FAM117B: variants seen among roughly 807,000 people sequenced by gnomAD.
FAM117B encodes the protein family with sequence similarity 117 member B, also known as protein FAM117B.
Under a neutral mutation model 52.8 loss-of-function variants are expected in FAM117B, and 22 were observed. That is an observed-to-expected ratio of 0.42 (90% CI 0.30 to 0.59). The LOEUF (loss-of-function observed/expected upper bound fraction) is 0.59, where lower values mean the gene tolerates loss of function less well. FAM117B is among the 20% of genes least tolerant of loss of function. The pLI is 0.22. For missense variants in FAM117B, 678 were observed against 802.6 expected (o/e 0.84, Z 1.88); for synonymous variants, 309 against 324.1 (o/e 0.95, Z 0.50).
intron 1 of FAM117B, among the ~76,000 whole-genome samples, chr2:202,653,918 C>T (rs1050283071): frequency 6.6e-6 from 1 of 152,046 alleles, no homozygotes; most frequent in Admixed American, 6.6e-5. Flanking sequence ...CTTTTCTGTG[C>T]ATGTATATAA....
intron 1 of FAM117B, among the ~76,000 whole-genome samples, chr2:202,648,337 C>T (rs1347605900): frequency 6.6e-6 from 1 of 151,984 alleles, no homozygotes; most frequent in Non-Finnish European, 1.5e-5. Flanking sequence ...TGGTGAAACC[C>T]CGTCTCTACT....
chr2:202,709,457 C>A (rs1690927213), intron 2 of FAM117B, among the ~76,000 whole-genome samples: 1 of 152,202 alleles, frequency 6.6e-6, no homozygotes, highest in African/African-American at 2.4e-5. Flanking sequence ...CCCCCTCTGC[C>A]TCCCAAAGTA....
At chr2:202,745,453 A>G (rs187247970) in intron 4 of FAM117B, among the ~76,000 whole-genome samples, 43 of 152,360 alleles carry the variant, frequency 2.8e-4, no homozygotes, top group Middle Eastern at 6.8e-3. Context: ...CTGGTTGAGC[A>G]GACATAAATC....
chr2:202,645,377 C>T (rs542501705), intron 1 of FAM117B, among the ~76,000 whole-genome samples: 2 of 151,788 alleles, frequency 1.3e-5, no homozygotes, highest in South Asian at 4.2e-4. Flanking sequence ...CAGGCTCCGC[C>T]CCCCGGGGTT....
intron 1 of FAM117B, among the ~76,000 whole-genome samples, chr2:202,655,707 T>TGAGAGACAGAGAGAGAGA (rs1398513491): frequency 1.1e-4 from 11 of 98,892 alleles, no homozygotes; most frequent in East Asian, 2.8e-4. Flanking sequence ...GGGAAGAGAG[T>TGAGAGACAGAGAGAGAGA]GAGAGAGAGA....
chr2:202,665,802 T>C (rs931330284), intron 1 of FAM117B, among the ~76,000 whole-genome samples: 1 of 152,142 alleles, frequency 6.6e-6, no homozygotes, highest in Non-Finnish European at 1.5e-5. Context: ...GGTTTCACCA[T>C]GTTGACCAGG....
chr2:202,650,502 T>G (rs1689940400), intron 1 of FAM117B, among the ~76,000 whole-genome samples: 1 of 152,158 alleles, frequency 6.6e-6, no homozygotes, highest in African/African-American at 2.4e-5. Flanking sequence ...GGAACTGAAC[T>G]AATAGGATAG....
intron 1 of FAM117B, among the ~76,000 whole-genome samples, chr2:202,664,059 A>G (rs949540784): frequency 6.6e-6 from 1 of 152,240 alleles, no homozygotes; most frequent in African/African-American, 2.4e-5. Flanking sequence ...AGTTCCTATC[A>G]GTGAATCTAG....
At chr2:202,651,093 T>TGCTCAGTC (rs1689949301) in intron 1 of FAM117B, among the ~76,000 whole-genome samples, 1 of 149,454 alleles carries the variant, frequency 6.7e-6, no homozygotes, top group Non-Finnish European at 1.5e-5. Flanking sequence ...GACGGAATCT[T>TGCTCAGTC]GCTCAGTCGC....
intron 2 of FAM117B, among the ~76,000 whole-genome samples, chr2:202,706,064 G>T (rs1472686030): frequency 6.6e-6 from 1 of 152,102 alleles, no homozygotes; most frequent in Non-Finnish European, 1.5e-5. Flanking sequence ...CCAGGCTAGA[G>T]TGTAGTGGCT....
chr2:202,740,915 TTAAAA>T (rs1691524008), intron 4 of FAM117B, among the ~76,000 whole-genome samples: 2 of 151,960 alleles, frequency 1.3e-5, no homozygotes, highest in Admixed American at 1.3e-4. Flanking sequence ...CTCAAGAACA[TTAAAA>T]TAAGGAAAAC....
intron 4 of FAM117B, among the ~76,000 whole-genome samples, chr2:202,727,466 G>A (rs1415100978): frequency 6.6e-6 from 1 of 151,136 alleles, no homozygotes; most frequent in Non-Finnish European, 1.5e-5. Flanking sequence ...AACCAACCAT[G>A]GATCAAACAT....
intron 2 of FAM117B, among the ~76,000 whole-genome samples, chr2:202,704,626 A>G (rs1047262806): frequency 2.0e-4 from 30 of 152,166 alleles, no homozygotes; most frequent in East Asian, 1.5e-3. Context: ...TTTTGAGACA[A>G]TCTTGCCCAG....
At chr2:202,664,257 C>T (rs989784378) in intron 1 of FAM117B, among the ~76,000 whole-genome samples, 9 of 152,096 alleles carry the variant, frequency 5.9e-5, no homozygotes, top group African/African-American at 2.2e-4. Context: ...AATATATTGA[C>T]TCCAGAGGTT....
intron 2 of FAM117B, among the ~76,000 whole-genome samples, chr2:202,708,164 C>G (rs1447027869): frequency 6.6e-6 from 1 of 152,184 alleles, no homozygotes; most frequent in Non-Finnish European, 1.5e-5. Flanking sequence ...AATTATACAG[C>G]AGATCTCTAG....
chr2:202,746,615 A>G (rs1245158485), intron 4 of FAM117B, among the ~76,000 whole-genome samples: 2 of 152,144 alleles, frequency 1.3e-5, no homozygotes, highest in African/African-American at 4.8e-5. Flanking sequence ...AGCGTGAACA[A>G]CTATACACTA....
At chr2:202,648,905 G>C (rs1484025260) in intron 1 of FAM117B, among the ~76,000 whole-genome samples, 1 of 151,936 alleles carries the variant, frequency 6.6e-6, no homozygotes, top group Non-Finnish European at 1.5e-5. Flanking sequence ...GGGACTACAG[G>C]CGCACACCTG....
intron 2 of FAM117B, among the ~76,000 whole-genome samples, chr2:202,708,121 C>T (rs1045577096): frequency 1.6e-4 from 25 of 152,172 alleles, no homozygotes; most frequent in East Asian, 3.9e-4. Flanking sequence ...AAATTTTACG[C>T]GTACAATACA....
intron 1 of FAM117B, among the ~76,000 whole-genome samples, chr2:202,642,484 A>T (rs1322596747): frequency 6.6e-6 from 1 of 151,930 alleles, no homozygotes; most frequent in Non-Finnish European, 1.5e-5. Flanking sequence ...CTGATTTGGC[A>T]AACTGTTGGA....
Sources: gnomAD v4.1 joint callset for allele counts (sites outside exome capture counted in the v4.1 genomes callset) on GRCh38, gnomAD v4.1.1 for gene constraint, MANE v1.5 for transcripts, NCBI Gene and HGNC (gene_info 2026-07-23, HGNC 2026-07-21) for gene names.